The following ZNF423 variants were observed in gnomAD, a reference collection of about 807,000 sequenced individuals.
ZNF423 encodes the protein zinc finger protein 423, also known as Ebf-associated zinc finger protein.
In ZNF423, 12 loss-of-function variants were observed where a neutral mutation model predicts 95.8. That is an observed-to-expected ratio of 0.13 (90% CI 0.08 to 0.20). The LOEUF (loss-of-function observed/expected upper bound fraction) is 0.20. ZNF423 is among the 10% of genes least tolerant of loss of function. The probability of loss-of-function intolerance (pLI) is 1.00; values close to 1 mark genes in which losing one functional copy is unlikely to be tolerated. For synonymous variants in ZNF423, 749 were observed against 711.9 expected (o/e 1.05, Z -0.83); for missense variants, 1,316 against 1,737.1 (o/e 0.76, Z 4.31).
At chr16:49,561,775 T>C (rs1023562725) in intron 5 of ZNF423, among the ~76,000 whole-genome samples, 6 of 152,252 alleles carry the variant, frequency 3.9e-5, no homozygotes, top group African/African-American at 1.4e-4. Flanking sequence ...ATAAATTTTA[T>C]AATCCATGCA....
intron 5 of ZNF423, among the ~76,000 whole-genome samples, chr16:49,593,996 T>C (rs1437470774): frequency 6.6e-6 from 1 of 152,090 alleles, no homozygotes; most frequent in Non-Finnish European, 1.5e-5. Flanking sequence ...GGAGGAAATG[T>C]TGTCCTAGAT....
chr16:49,717,077 A>C (rs2032729620), intron 3 of ZNF423, among the ~76,000 whole-genome samples: 1 of 152,032 alleles, frequency 6.6e-6, no homozygotes, highest in Non-Finnish European at 1.5e-5. Flanking sequence ...AGGCTTGCAA[A>C]GACTCTCACC....
intron 3 of ZNF423, among the ~76,000 whole-genome samples, chr16:49,643,474 C>A (rs1161713778): frequency 6.6e-6 from 1 of 151,972 alleles, no homozygotes; most frequent in Non-Finnish European, 1.5e-5. Flanking sequence ...TGCCACACAG[C>A]CAGCAGGCAG....
At chr16:49,506,862 T>C (rs905814349) in intron 7 of ZNF423, among the ~76,000 whole-genome samples, 5 of 151,720 alleles carry the variant, frequency 3.3e-5, no homozygotes, top group South Asian at 2.1e-4. Context: ...GGTGGATGGA[T>C]TGGTGAGTGG....
chr16:49,757,830 A>T (rs1200672832), intron 2 of ZNF423, among the ~76,000 whole-genome samples: 1 of 152,158 alleles, frequency 6.6e-6, no homozygotes, highest in Non-Finnish European at 1.5e-5. Flanking sequence ...ACTGAAGGGG[A>T]AAGAAAGGGA....
intron 5 of ZNF423, among the ~76,000 whole-genome samples, chr16:49,528,450 T>C (rs1383151510): frequency 6.6e-6 from 1 of 152,078 alleles, no homozygotes; most frequent in Non-Finnish European, 1.5e-5. Flanking sequence ...CCAGGCTAAT[T>C]AGATCAAGAG....
chr16:49,521,104 G>A (rs1360414085), intron 7 of ZNF423, among the ~76,000 whole-genome samples: 3 of 152,152 alleles, frequency 2.0e-5, no homozygotes, highest in Admixed American at 1.3e-4. Flanking sequence ...CAGATTGAAA[G>A]CAGCAGCCTC....
At chr16:49,620,476 G>A (rs1972032739) in intron 5 of ZNF423, among the ~76,000 whole-genome samples, 1 of 152,214 alleles carries the variant, frequency 6.6e-6, no homozygotes, top group African/African-American at 2.4e-5. Flanking sequence ...CCAGGGAAAG[G>A]GCCGGCGTGA....
intron 3 of ZNF423, among the ~76,000 whole-genome samples, chr16:49,717,295 A>G (rs1302269532): frequency 1.3e-5 from 2 of 151,038 alleles, no homozygotes; most frequent in African/African-American, 4.9e-5. Context: ...TACCTTCACC[A>G]TCATAGGAAC....
At chr16:49,606,226 C>T (rs184542470) in intron 5 of ZNF423, among the ~76,000 whole-genome samples, 5 of 152,226 alleles carry the variant, frequency 3.3e-5, no homozygotes, top group Admixed American at 2.6e-4. Flanking sequence ...CTCTTAGACG[C>T]TCTCCTGTGC....
intron 1 of ZNF423, among the ~76,000 whole-genome samples, chr16:49,821,929 A>G (rs1430218476): frequency 6.6e-6 from 1 of 152,128 alleles, no homozygotes; most frequent in Admixed American, 6.5e-5. Flanking sequence ...CCTCTGGGGG[A>G]TGCATTCAAT....
At chr16:49,632,410 T>C (rs1217443789) in intron 4 of ZNF423, among the ~76,000 whole-genome samples, 2 of 152,096 alleles carry the variant, frequency 1.3e-5, no homozygotes, top group Non-Finnish European at 2.9e-5. Flanking sequence ...TCCCCAGGTG[T>C]GCCCACACAG....
intron 2 of ZNF423, among the ~76,000 whole-genome samples, chr16:49,776,991 T>A (rs1269141746): frequency 6.6e-6 from 1 of 152,252 alleles, no homozygotes; most frequent in Non-Finnish European, 1.5e-5. Flanking sequence ...TGCCTCTGTA[T>A]GTGCATGCAT....
At position 49,638,855 on chromosome 16, in the gene ZNF423, T is replaced by C. The variant is rs376572236; in HGVS notation, c.321A>G (p.Gln107=). The change falls in exon 4 of 8, where the codon CAA becomes CAG. Residue 107 remains glutamine (Q), a synonymous_variant. Coordinates refer to ENST00000563137, the MANE Select transcript of ZNF423 (RefSeq NM_001379286.1). The surrounding 1 kb of genome is among the most constrained non-coding windows in gnomAD (Gnocchi z 5.6). ...RCPGDGDDDP[Q]LSWVASSPSS... ...AGGGAGACGAGGCCACCCAGGAGAGTTGTGGGTCGTCATCACCATCTGCAA... is the reference window on the plus strand; with the variant it reads ...AGGGAGACGAGGCCACCCAGGAGAGCTGTGGGTCGTCATCACCATCTGCAA... The C allele has an allele frequency of 1.9e-5, 31 of 1,606,758 alleles. No homozygotes were observed. In the African/African-American group the frequency reaches 3.2e-4, roughly 17 times the overall value.
chr16:49,741,506 C>CAA (rs145131435), intron 2 of ZNF423, among the ~76,000 whole-genome samples: 25 of 148,064 alleles, frequency 1.7e-4, no homozygotes, highest in South Asian at 2.2e-4. Flanking sequence ...GACTCTGTCT[C>CAA]AAAAAAAAAA....
chr16:49,856,641 C>A (rs1032938641), upstream of ZNF423, among the ~76,000 whole-genome samples: 25 of 151,108 alleles, frequency 1.7e-4, no homozygotes, highest in African/African-American at 5.8e-4. Flanking sequence ...GCCCCCTTCT[C>A]TGGCTCTCGG....
At chr16:49,615,804 C>T (rs930955141) in intron 5 of ZNF423, among the ~76,000 whole-genome samples, 4 of 152,206 alleles carry the variant, frequency 2.6e-5, no homozygotes, top group African/African-American at 9.6e-5. Flanking sequence ...AATGGTCTCG[C>T]CTCCCTACAG....
intron 5 of ZNF423, among the ~76,000 whole-genome samples, chr16:49,590,027 C>T (rs1168385021): frequency 1.0e-4 from 8 of 80,218 alleles, no homozygotes; most frequent in South Asian, 6.9e-4. Flanking sequence ...GGGGAAGTGG[C>T]GAATATATAT....
intron 5 of ZNF423, among the ~76,000 whole-genome samples, chr16:49,621,795 T>C (rs1972092716): frequency 6.6e-6 from 1 of 152,130 alleles, no homozygotes; most frequent in Non-Finnish European, 1.5e-5. Context: ...AGTGTCTGCC[T>C]CTCACCATTT....
Sources: gnomAD v4.1 joint callset for allele counts (sites outside exome capture counted in the v4.1 genomes callset) on GRCh38, gnomAD v4.1.1 for gene constraint, Gnocchi (gnomAD v3.1) non-coding constraint, MANE v1.5 for transcripts, NCBI Gene and HGNC (gene_info 2026-07-23, HGNC 2026-07-21) for gene names.